ZMAT4: variants seen among roughly 807,000 people sequenced by gnomAD.
ZMAT4 encodes zinc finger matrin-type protein 4.
A neutral mutation model predicts 28.7 loss-of-function variants in ZMAT4; 17 were observed. That is an observed-to-expected ratio of 0.59 (90% CI 0.41 to 0.89). The LOEUF (loss-of-function observed/expected upper bound fraction) is 0.89, where lower values mean the gene tolerates loss of function less well. Ranked by LOEUF, ZMAT4 falls within the 40% of genes least tolerant of loss-of-function variation. The pLI, the probability that ZMAT4 is intolerant of heterozygous loss-of-function variation, is 0.00. For synonymous variants in ZMAT4, 117 were observed against 109.2 expected, an observed-to-expected ratio of 1.07 and a Z score of -0.44; for missense variants, 240 against 283.8, an observed-to-expected ratio of 0.85 and a Z score of 1.11.
chr8:40,876,461 C>T (rs137897652), intron 1 of ZMAT4, among the ~76,000 whole-genome samples: 162 of 151,912 alleles, frequency 1.1e-3, no homozygotes, highest in African/African-American at 3.6e-3. Flanking sequence ...TATAGGCAGG[C>T]GCCACCATGC....
intron 2 of ZMAT4, among the ~76,000 whole-genome samples, chr8:40,781,781 A>G (rs968594702): frequency 5.4e-5 from 8 of 148,904 alleles, no homozygotes; most frequent in African/African-American, 2.0e-4. Context: ...AAAAAAAAAA[A>G]AAAAAAAAAA....
intron 3 of ZMAT4, among the ~76,000 whole-genome samples, chr8:40,720,252 A>G (rs952210948): frequency 1.3e-5 from 2 of 152,182 alleles, no homozygotes; most frequent in African/African-American, 4.8e-5. Flanking sequence ...ATTAACCAGC[A>G]CTATTATTGA....
intron 2 of ZMAT4, among the ~76,000 whole-genome samples, chr8:40,776,992 T>C (rs1813625893): frequency 6.6e-6 from 1 of 151,504 alleles, no homozygotes; most frequent in Non-Finnish European, 1.5e-5. Flanking sequence ...ACCTCCTGGG[T>C]CCAGCCTGCT....
At chr8:40,878,474 G>A (rs1303804244) in intron 1 of ZMAT4, among the ~76,000 whole-genome samples, 1 of 152,202 alleles carries the variant, frequency 6.6e-6, no homozygotes, top group Non-Finnish European at 1.5e-5. Context: ...TAAAAATTCT[G>A]ATTTGAAACC....
At chr8:40,537,450 C>G (rs1345488274) in intron 6 of ZMAT4, among the ~76,000 whole-genome samples, 2 of 152,144 alleles carry the variant, frequency 1.3e-5, no homozygotes, top group Non-Finnish European at 2.9e-5. Context: ...AAGTATAGCA[C>G]TTTTAAAATG....
intron 6 of ZMAT4, among the ~76,000 whole-genome samples, chr8:40,547,831 C>T (rs1052579021): frequency 6.6e-6 from 1 of 151,912 alleles, no homozygotes; most frequent in Non-Finnish European, 1.5e-5. Flanking sequence ...GAGAGACTCA[C>T]GATGAATGAA....
At chr8:40,561,644 G>A (rs534233391) in intron 6 of ZMAT4, among the ~76,000 whole-genome samples, 1 of 152,232 alleles carries the variant, frequency 6.6e-6, no homozygotes, top group African/African-American at 2.4e-5. Context: ...AGAGGGTGCT[G>A]AACCAGCTCT....
intron 3 of ZMAT4, among the ~76,000 whole-genome samples, chr8:40,750,224 T>A (rs7831646): frequency 6.6e-6 from 1 of 152,112 alleles, no homozygotes; most frequent in African/African-American, 2.4e-5. Flanking sequence ...ATATATATTC[T>A]TAATACATGA....
intron 1 of ZMAT4, among the ~76,000 whole-genome samples, chr8:40,837,058 A>G (rs1483419616): frequency 1.3e-5 from 2 of 152,234 alleles, no homozygotes; most frequent in Admixed American, 6.5e-5. Flanking sequence ...CTAGAAATGA[A>G]TCTTCCACAC....
intron 2 of ZMAT4, among the ~76,000 whole-genome samples, chr8:40,797,615 G>C (rs1029825609): frequency 5.3e-5 from 8 of 152,134 alleles, no homozygotes; most frequent in African/African-American, 1.9e-4. Flanking sequence ...GGACTTCCAT[G>C]AGCTACAATT....
Position 40,798,927 on chromosome 8 carries a change from C to G in ZMAT4, c.102+26648G>C, listed in dbSNP as rs571992160. 2.6e-4 allele frequency among the ~76,000 whole-genome samples: 39 copies of G among 152,194 alleles called. 1 individual carries two copies. The South Asian group carries it at 7.7e-3, about 30-fold the overall frequency. ...TGGAAGGGGCTTTTTTCAGGCCAGT[C>G]CCCTCAATTGGGACATATTCCCAGC... is the stretch of plus-strand genomic sequence containing the variant. On this transcript the variant is annotated intron_variant, in intron 2 of 6. Transcript: ENST00000297737.
chr8:40,710,599 G>A (rs1014894006), intron 3 of ZMAT4, among the ~76,000 whole-genome samples: 2 of 150,952 alleles, frequency 1.3e-5, no homozygotes, highest in African/African-American at 4.9e-5. Flanking sequence ...GCCACAAAAA[G>A]AAACCCAGCC....
chr8:40,847,804 C>T (rs929342355), intron 1 of ZMAT4, among the ~76,000 whole-genome samples: 3 of 152,168 alleles, frequency 2.0e-5, no homozygotes, highest in East Asian at 1.9e-4. Context: ...AGCTGAAGTC[C>T]GTCCACCAGT....
intron 5 of ZMAT4, among the ~76,000 whole-genome samples, chr8:40,615,722 A>G (rs1432764888): frequency 6.6e-6 from 1 of 152,092 alleles, no homozygotes; most frequent in Admixed American, 6.6e-5. Flanking sequence ...ATCGAATCGG[A>G]TACTGAAACT....
At chr8:40,771,240 A>C (rs1813378277) in intron 2 of ZMAT4, among the ~76,000 whole-genome samples, 1 of 151,110 alleles carries the variant, frequency 6.6e-6, no homozygotes, top group Admixed American at 6.6e-5. Flanking sequence ...TACATATATA[A>C]TGAATGTTGA....
At chr8:40,707,194 A>C in intron 3 of ZMAT4, among the ~76,000 whole-genome samples, 1 of 149,856 alleles carries the variant, frequency 6.7e-6, no homozygotes. Flanking sequence ...CCTCACTCCC[A>C]CAGAACTTCC....
chr8:40,778,685 G>T lies in ZMAT4; in HGVS notation c.103-10955C>A, dbSNP rs370047472. 1.3e-4 allele frequency among the ~76,000 whole-genome samples: 20 copies of T among 152,330 alleles called. No individual in the cohort carries two copies. In the East Asian group the frequency reaches 2.3e-3, roughly 18 times the overall value. On this transcript the variant is annotated intron_variant, in intron 2 of 6. Coordinates refer to ENST00000297737, the MANE Select transcript of ZMAT4 (RefSeq NM_024645.3). ...TAATCCAACTTTACAGGCCTTAGGG[G>T]AAGAAGGAACATGCTGCCAGCTGCA...
At chr8:40,616,260 A>T (rs1161878748) in intron 5 of ZMAT4, among the ~76,000 whole-genome samples, 2 of 152,208 alleles carry the variant, frequency 1.3e-5, no homozygotes, top group Non-Finnish European at 2.9e-5. Context: ...GGATGTGGAG[A>T]AATAGGAACA....
At chr8:40,782,938 G>T (rs993214108) in intron 2 of ZMAT4, among the ~76,000 whole-genome samples, 8 of 152,344 alleles carry the variant, frequency 5.3e-5, no homozygotes, top group African/African-American at 1.9e-4. Context: ...AGGAAGTGGA[G>T]AAATTGAGAC....
Sources: gnomAD v4.1 joint callset for allele counts (sites outside exome capture counted in the v4.1 genomes callset) on GRCh38, gnomAD v4.1.1 for gene constraint, MANE v1.5 for transcripts, NCBI Gene and HGNC (gene_info 2026-07-23, HGNC 2026-07-21) for gene names.